The following CTNNA2 variants were observed in gnomAD, a reference collection of about 807,000 sequenced individuals.
CTNNA2 encodes catenin alpha 2.
In CTNNA2, 42 loss-of-function variants were observed where a neutral mutation model predicts 101.0. The observed-to-expected ratio is 0.42, with a 90% CI of 0.32 to 0.54. The LOEUF is 0.54. Among genes scored for constraint, CTNNA2 ranks in the 20% least tolerant of loss-of-function variants. The pLI, the probability that CTNNA2 is intolerant of heterozygous loss-of-function variation, is 0.14. For missense variants in CTNNA2, 871 were observed against 1,223.1 expected, an observed-to-expected ratio of 0.71 and a Z score of 4.29; for synonymous variants, 450 against 456.4, an observed-to-expected ratio of 0.99 and a Z score of 0.18.
chr2:80,645,008 C>T (rs569862184), intron 18 of CTNNA2, among the ~76,000 whole-genome samples: 63 of 152,106 alleles, frequency 4.1e-4, no homozygotes, highest in African/African-American at 1.4e-3. Flanking sequence ...ACTTGTAATC[C>T]CTTCTCTTCA....
At chr2:80,603,285 T>C (rs1168088212) in intron 15 of CTNNA2, among the ~76,000 whole-genome samples, 1 of 152,142 alleles carries the variant, frequency 6.6e-6, no homozygotes, top group Non-Finnish European at 1.5e-5. Context: ...AATTTCCATT[T>C]CCCTTATAAT....
At chr2:79,914,898 A>G (rs1686078783) in intron 7 of CTNNA2, among the ~76,000 whole-genome samples, 2 of 152,210 alleles carry the variant, frequency 1.3e-5, no homozygotes, top group South Asian at 4.1e-4. Flanking sequence ...GAACATATAT[A>G]CATATTACAA....
intron 3 of CTNNA2, among the ~76,000 whole-genome samples, chr2:79,792,212 A>G (rs1281516104): frequency 6.6e-6 from 1 of 152,082 alleles, no homozygotes; most frequent in Non-Finnish European, 1.5e-5. Flanking sequence ...ATTTCTGCAC[A>G]TTGTGTGAGC....
chr2:79,799,768 A>G (rs1292133287), intron 3 of CTNNA2, among the ~76,000 whole-genome samples: 4 of 152,192 alleles, frequency 2.6e-5, no homozygotes, highest in Non-Finnish European at 5.9e-5. Context: ...TCTTTAAACT[A>G]TATTTAATTT....
chr2:80,449,715 C>T (rs1483707550), intron 9 of CTNNA2, among the ~76,000 whole-genome samples: 6 of 152,160 alleles, frequency 3.9e-5, no homozygotes, highest in African/African-American at 1.4e-4. Context: ...GAAAGCTTAA[C>T]ACAGAACTAA....
At chr2:79,647,116 T>A (rs886775388) in intron 1 of CTNNA2, among the ~76,000 whole-genome samples, 5 of 152,192 alleles carry the variant, frequency 3.3e-5, no homozygotes, top group East Asian at 1.9e-4. Flanking sequence ...CAGATGGGAT[T>A]GAGACTATAT....
intron 2 of CTNNA2, among the ~76,000 whole-genome samples, chr2:79,219,320 G>T (rs1186549719): frequency 1.3e-5 from 2 of 152,096 alleles, no homozygotes; most frequent in African/African-American, 4.8e-5. Context: ...TTTTAAATGG[G>T]AAAACAATCT....
At chr2:79,725,528 T>A (rs769978570) in intron 2 of CTNNA2, among the ~76,000 whole-genome samples, 8 of 152,212 alleles carry the variant, frequency 5.3e-5, no homozygotes, top group African/African-American at 7.2e-5. Context: ...CATTCAAATC[T>A]TAATGATAAA....
At chr2:80,373,370 A>G (rs1675632252) in intron 7 of CTNNA2, among the ~76,000 whole-genome samples, 1 of 152,182 alleles carries the variant, frequency 6.6e-6, no homozygotes, top group African/African-American at 2.4e-5. Flanking sequence ...AGGAATAGTA[A>G]ACCTGAACTC....
rs79259067 is a variant in CTNNA2 at position 79,219,670 on chromosome 2, G to A, written c.-406+21594G>A. On this transcript the variant is annotated intron_variant, in intron 2 of 21. Transcript: ENST00000466387. ...TGGAAGTGGTAAATCCATGATATTC[G>A]TGGATCATAAAAGCTCAATTCGTAG... Among the ~76,000 whole-genome samples the A allele has an allele frequency of 5.8e-3, 879 of 152,238 alleles. 10 individuals are homozygous for A. Among genetic ancestry groups the A allele is most frequent in the African/African-American group, 0.02 (832 of 41,548 alleles).
intron 7 of CTNNA2, among the ~76,000 whole-genome samples, chr2:80,383,761 A>T (rs1032710033): frequency 6.6e-6 from 1 of 151,416 alleles, no homozygotes; most frequent in African/African-American, 2.5e-5. Flanking sequence ...AAGCCCTAAC[A>T]TACAGGCCCA....
intron 3 of CTNNA2, among the ~76,000 whole-genome samples, chr2:79,344,677 A>T (rs75514595): frequency 0.1 from 15,598 of 151,770 alleles, 1,051 homozygotes; most frequent in East Asian, 0.34. Flanking sequence ...CTGAAAGAGC[A>T]TAATGTTTTT....
chr2:79,448,312 G>T (rs1007904574), intron 4 of CTNNA2, among the ~76,000 whole-genome samples: 7 of 151,866 alleles, frequency 4.6e-5, no homozygotes, highest in African/African-American at 1.4e-4. Context: ...TTTATGAACT[G>T]TTTCTTCAAG....
chr2:80,011,139 T>C (rs1450305343), intron 7 of CTNNA2, among the ~76,000 whole-genome samples: 1 of 152,166 alleles, frequency 6.6e-6, no homozygotes, highest in African/African-American at 2.4e-5. Context: ...AAATAGTCCA[T>C]GCTTATTATT....
chr2:79,995,630 G>T (rs1185058823), intron 7 of CTNNA2, among the ~76,000 whole-genome samples: 2 of 152,120 alleles, frequency 1.3e-5, no homozygotes, highest in Non-Finnish European at 2.9e-5. Context: ...GAGCAACATA[G>T]TGAGACCCCA....
intron 3 of CTNNA2, among the ~76,000 whole-genome samples, chr2:79,349,359 G>A (rs1040545174): frequency 6.6e-6 from 1 of 152,160 alleles, no homozygotes; most frequent in African/African-American, 2.4e-5. Context: ...AGACATCTGT[G>A]TTTACTAAAT....
At chr2:79,426,478 A>G (rs17017080) in intron 4 of CTNNA2, among the ~76,000 whole-genome samples, 45,227 of 152,000 alleles carry the variant, frequency 0.3, 6,965 homozygotes, top group South Asian at 0.44. Context: ...GTCTCTTAAT[A>G]TGCTCCAGTT....
At chr2:79,320,458 C>T (rs974530800) in intron 3 of CTNNA2, among the ~76,000 whole-genome samples, 4 of 151,780 alleles carry the variant, frequency 2.6e-5, no homozygotes, top group African/African-American at 7.3e-5. Context: ...AGGCACAGGG[C>T]GTATTATAGC....
chr2:80,581,196 C>T (rs1029507843), intron 13 of CTNNA2, among the ~76,000 whole-genome samples: 12 of 152,222 alleles, frequency 7.9e-5, no homozygotes, highest in African/African-American at 2.9e-4. Flanking sequence ...TATTTATGAG[C>T]ACATAGGGGC....
Sources: gnomAD v4.1 joint callset for allele counts (sites outside exome capture counted in the v4.1 genomes callset) on GRCh38, gnomAD v4.1.1 for gene constraint, MANE v1.5 for transcripts, NCBI Gene and HGNC (gene_info 2026-07-23, HGNC 2026-07-21) for gene names.